Variants in MAST1 observed in about 807,000 individuals in gnomAD.
The protein encoded by MAST1 is microtubule-associated serine/threonine-protein kinase 1.
MAST1 carries 40 observed loss-of-function variants against 124.6 expected under a neutral mutation model. The ratio of observed to expected loss-of-function variants is 0.32; its 90% CI spans 0.25 to 0.42. The LOEUF (loss-of-function observed/expected upper bound fraction) is 0.42, where lower values mean the gene tolerates loss of function less well. MAST1 is among the 10% of genes least tolerant of loss of function. The pLI is 1.00. For synonymous variants in MAST1, 938 were observed against 939.4 expected, an observed-to-expected ratio of 1.00 and a Z score of 0.03; for missense variants, 1,558 against 2,181.9, an observed-to-expected ratio of 0.71 and a Z score of 5.70.
rs1969829289 is a variant in MAST1 at position 12,841,633 on chromosome 19, C to T, written c.248+567C>T. ...GAGAAACGTTTCTGGGAGTTTGGGCCTGTCTCTTTTTCTTTGAACTCTATT... is the reference window on the plus strand; with the variant it reads ...GAGAAACGTTTCTGGGAGTTTGGGCTTGTCTCTTTTTCTTTGAACTCTATT... On this transcript the variant is annotated intron_variant, in intron 3 of 25. Coordinates refer to ENST00000251472, the MANE Select transcript of MAST1 (RefSeq NM_014975.3). The surrounding 1 kb of genome is among the most constrained non-coding windows in gnomAD (Gnocchi z 4.3). Among the ~76,000 whole-genome samples, 1 of 152,182 alleles carries T rather than the reference C, an allele frequency of 6.6e-6. No individual in the cohort carries two copies. Among genetic ancestry groups the T allele is most frequent in the South Asian group, 2.1e-4 (1 of 4,832 alleles).
chr19:12,873,622 G>A lies in MAST1; in HGVS notation c.3465G>A (p.Gln1155=), dbSNP rs1169746732. Residue 1155 remains glutamine, a synonymous_variant, in exon 26 of 26, where the codon CAG becomes CAA. Transcript: ENST00000251472. The stretch of plus-strand genomic sequence containing the variant: ...TGTCTCCCGCAGGCGCCTCATCCCA[G>A]AGCAGCTCCCCAGCCTCGAGCACGC... The part of the protein sequence containing the change: ...PDSAYLGASS[Q]SSSPASSTPN... 1 of 1,588,424 alleles carries A rather than the reference G, an allele frequency of 6.3e-7. No homozygotes were observed. The highest frequency in any genetic ancestry group is 8.5e-7 in the Non-Finnish European group (1 of 1,169,828).
chr19:12,865,797 C>T lies in MAST1; in HGVS notation c.1885C>T (p.Pro629Ser). The change falls in exon 16 of 26, where the codon CCT (proline) becomes TCT (serine). Residue 629 changes from proline (P) to serine (S), a missense_variant. By Grantham distance (74) the Pro-to-Ser change is moderately conservative. Transcript: ENST00000251472. The surrounding 1 kb of genome is among the most constrained non-coding windows in gnomAD (Gnocchi z 7.1). ...CATATCCAGCCTCCTGCAGACCAAC[C>T]CTCTGGTCAGGCTTGGGGCAGGTAA... ...LLISSLLQTNPLVRLGAGGAF... is the reference protein window; with the variant it reads ...LLISSLLQTNSLVRLGAGGAF... The T allele has an allele frequency of 6.2e-7, 1 of 1,613,830 alleles. No homozygotes were observed. Among genetic ancestry groups the T allele is most frequent in the Non-Finnish European group, 8.5e-7 (1 of 1,179,934 alleles).
In MAST1 at chr19:12,873,405, C is replaced by T. The variant is rs752192563; in HGVS notation, c.3345C>T (p.Asn1115=). The change falls in exon 25 of 26, where the codon AAC becomes AAT. Residue 1115 remains asparagine, a synonymous_variant. Coordinates refer to ENST00000251472, the MANE Select transcript of MAST1 (RefSeq NM_014975.3). ...LHTSRSLSSL[N]RSLSSSDSLP... ...CTAGCCGCTCGCTGTCGTCGCTGAA[C>T]CGCTCGCTGTCATCCAGCGATAGTC... The T allele has an allele frequency of 5.0e-6, 8 of 1,613,870 alleles. No individual in the cohort carries two copies. In the African/African-American group the frequency reaches 1.1e-4, roughly 22 times the overall value.
At chr19:12,861,179 A>G (rs1303801835) in intron 12 of MAST1, among the ~76,000 whole-genome samples, 1 of 152,054 alleles carries the variant, frequency 6.6e-6, no homozygotes, top group African/African-American at 2.4e-5. Flanking sequence ...CTCATGCCTC[A>G]GCCTCCTGAG....
At chr19:12,872,205 C>T (rs1273215785) in intron 24 of MAST1, among the ~76,000 whole-genome samples, 1 of 152,112 alleles carries the variant, frequency 6.6e-6, no homozygotes, top group Non-Finnish European at 1.5e-5. Flanking sequence ...TCCTATTTTC[C>T]CTTATAGATA....
intron 21 of MAST1, 35 bp downstream of exon 21, chr19:12,868,884 G>A: frequency 6.4e-7 from 1 of 1,555,304 alleles, no homozygotes; most frequent in African/African-American, 1.4e-5. Flanking sequence ...GGGAGGGGCT[G>A]CCCCCCATTT....
chr19:12,863,128 T>A, intron 12 of MAST1, among the ~76,000 whole-genome samples: 1 of 121,820 alleles, frequency 8.2e-6, no homozygotes. Flanking sequence ...CACTGCACTC[T>A]AGCCTGGGTG....
In MAST1 at chr19:12,847,900, C is replaced by T. The variant is rs1206372077; in HGVS notation, c.617C>T (p.Pro206Leu). Reference sequence around the variant, plus strand: ...CGCGACTTTACCCGCGCCTACGAACCCGACAGCGTTCTGCCTCTGGCCGAT... The same window carrying T: ...CGCGACTTTACCCGCGCCTACGAACTCGACAGCGTTCTGCCTCTGGCCGAT... The part of the protein sequence containing the change: ...KLRDFTRAYE[P>L]DSVLPLADGV... The change falls in exon 7 of 26, where the codon CCC (proline) becomes CTC (leucine). Residue 206 changes from proline to leucine, a missense_variant. Pro to Leu is a moderately conservative substitution (Grantham distance 98, BLOSUM62 -3). Around this residue, in one of 10 missense-constraint regions of MAST1, gnomAD observed 165 missense variants for 315.3 expected, o/e 0.52. Coordinates refer to ENST00000251472, the MANE Select transcript of MAST1 (RefSeq NM_014975.3). This position sits in a 1 kb window ranked among gnomAD's most constrained non-coding sequence, Gnocchi z 5.5. The T allele has an allele frequency of 1.2e-6, 2 of 1,613,760 alleles. No individual in the cohort carries two copies. The highest frequency in any genetic ancestry group is 1.3e-5 in the African/African-American group (1 of 74,956).
chr19:12,868,103 ATTT>A (rs34988246), intron 20 of MAST1, 126 bp downstream of exon 20: 11,935 of 316,826 alleles, frequency 0.038, 61 homozygotes, highest in African/African-American at 0.095. Flanking sequence ...GCAATTTGGG[ATTT>A]TTTTTTTTTT....
At chr19:12,860,439 T>G (rs1970066152) in intron 12 of MAST1, among the ~76,000 whole-genome samples, 1 of 134,900 alleles carries the variant, frequency 7.4e-6, no homozygotes, top group Non-Finnish European at 1.6e-5. Flanking sequence ...TTCCTTTTTC[T>G]TTCTTTCTTT....
At position 12,873,649 on chromosome 19, in the gene MAST1, C is replaced by T. The variant is rs1970270445; in HGVS notation, c.3492C>T (p.Pro1164=). The part of the protein sequence containing the change: ...SQSSSPASST[P]NSPASSASHH... ...GCAGCTCCCCAGCCTCGAGCACGCC[C>T]AACTCGCCTGCGTCGTCGGCGTCGC... Residue 1164 remains proline, a synonymous_variant, in exon 26 of 26, where the codon CCC becomes CCT. Transcript: ENST00000251472. 2 of 1,596,260 alleles carry T rather than the reference C, an allele frequency of 1.3e-6. No homozygotes were observed. The highest frequency in any genetic ancestry group is 4.5e-5 in the East Asian group (2 of 44,618).
At chr19:12,864,691 C>G in intron 12 of MAST1, 118 bp from the exon 13 acceptor site, 1 of 1,351,358 alleles carries the variant, frequency 7.4e-7, no homozygotes, top group Non-Finnish European at 1.0e-6. Context: ...CCTCTCAGAG[C>G]CTCAGTTTCC....
At chr19:12,869,456 G>T (rs1247275145) in intron 22 of MAST1, among the ~76,000 whole-genome samples, 161 bp downstream of exon 22, 1 of 151,884 alleles carries the variant, frequency 6.6e-6, no homozygotes, top group Non-Finnish European at 1.5e-5. Flanking sequence ...TTTATTTTAG[G>T]CGGAGACTCA....
Position 12,874,586 on chromosome 19 carries a change from C to T in MAST1, c.4429C>T (p.Arg1477Trp). 1 of 1,508,056 alleles carries T rather than the reference C, an allele frequency of 6.6e-7. No homozygotes were observed. Among genetic ancestry groups the T allele is most frequent in the East Asian group, 2.3e-5 (1 of 43,222 alleles). The allele number at this position is 1,508,056 out of a possible 1,614,324, so 93.4% of individuals were successfully genotyped here. The change falls in exon 26 of 26, where the codon CGG becomes TGG. Residue 1477 changes from arginine (R) to tryptophan (W), a missense_variant. Transcript: ENST00000251472. This position sits in a 1 kb window ranked among gnomAD's most constrained non-coding sequence, Gnocchi z 6.6. Reference protein sequence around the residue: ...APSVPEAPRGRERWVLEVVEE... With the variant: ...APSVPEAPRGWERWVLEVVEE... ...TTCCGTGCCCGAGGCCCCCCGGGGC[C>T]GGGAGCGCTGGGTGTTGGAGGTGGT...
In MAST1 at chr19:12,865,541, T is replaced by C; in HGVS notation, c.1804+60T>C. 1 of 1,532,538 alleles carries C rather than the reference T, an allele frequency of 6.5e-7. No individual in the cohort carries two copies. The highest frequency in any genetic ancestry group is 8.8e-7 in the Non-Finnish European group (1 of 1,139,358). 94.9% of individuals were successfully genotyped at this position (1,532,538 alleles called of 1,614,324 possible). A position where few individuals can be genotyped will look rare whatever the true frequency, so the allele number is the denominator to read the frequency against. On this transcript the variant is annotated intron_variant, in intron 15 of 25. Coordinates refer to ENST00000251472, the MANE Select transcript of MAST1 (RefSeq NM_014975.3). This position sits in a 1 kb window ranked among gnomAD's most constrained non-coding sequence, Gnocchi z 7.1. Reference sequence around the variant, plus strand: ...GGTGTGCACGGAGAGATGGACAGGCTCAGGGTTCCAGGGATTTCAAAAGCG... The same window carrying C: ...GGTGTGCACGGAGAGATGGACAGGCCCAGGGTTCCAGGGATTTCAAAAGCG...
chr19:12,864,119 G>T (rs1166457034), intron 12 of MAST1, among the ~76,000 whole-genome samples: 1 of 151,956 alleles, frequency 6.6e-6, no homozygotes, highest in Non-Finnish European at 1.5e-5. Context: ...CAGAGATGGG[G>T]TTTCACCATG....
intron 10 of MAST1, among the ~76,000 whole-genome samples, chr19:12,855,002 G>A (rs550152056): frequency 9.2e-5 from 14 of 152,196 alleles, no homozygotes; most frequent in East Asian, 3.9e-4. Context: ...AGACTGCGGC[G>A]GGTGGATCAC....
In MAST1 at chr19:12,866,033, G is replaced by A. The variant is rs1970149650; in HGVS notation, c.1960G>A (p.Gly654Arg). 1 of 1,614,068 alleles carries A rather than the reference G, an allele frequency of 6.2e-7. No individual in the cohort carries two copies. Among genetic ancestry groups the A allele is most frequent in the Non-Finnish European group, 8.5e-7 (1 of 1,180,042 alleles). The change falls in exon 17 of 26, where the codon GGG (glycine) becomes AGG (arginine). Residue 654 changes from glycine (G) to arginine (R), a missense_variant. By Grantham distance (125) the Gly-to-Arg change is moderately radical. This residue lies in a region of MAST1 where 145 missense variants were observed against 350.0 expected (regional missense o/e 0.41). Transcript: ENST00000251472. The surrounding 1 kb of genome is among the most constrained non-coding windows in gnomAD (Gnocchi z 5.2). The stretch of plus-strand genomic sequence containing the variant: ...TTTCTTTCGAGACCTGGACTGGACA[G>A]GGCTGCTGAGGCAGAAGGCCGAGTT... ...HSFFRDLDWT[G>R]LLRQKAEFIP...
chr19:12,868,103 ATTTTTTTT>A (rs34988246), intron 20 of MAST1, 126 bp downstream of exon 20: 29 of 322,280 alleles, frequency 9.0e-5, no homozygotes, highest in African/African-American at 8.8e-4. Flanking sequence ...GCAATTTGGG[ATTTTTTTT>A]TTTTTTTTTT....
Sources: gnomAD v4.1 joint callset for allele counts (sites outside exome capture counted in the v4.1 genomes callset) on GRCh38, gnomAD v4.1.1 for gene constraint, gnomAD v4.1.1 regional missense constraint, Gnocchi (gnomAD v3.1) non-coding constraint, MANE v1.5 for transcripts, NCBI Gene and HGNC (gene_info 2026-07-23, HGNC 2026-07-21) for gene names.